Variants in CDKAL1 observed in about 807,000 individuals in gnomAD.
CDKAL1 encodes the protein threonylcarbamoyladenosine tRNA methylthiotransferase.
CDKAL1 carries 32 observed loss-of-function variants against 68.2 expected under a neutral mutation model. The observed-to-expected ratio is 0.47, with a 90% confidence interval of 0.35 to 0.63. The LOEUF is 0.63. Among genes scored for constraint, CDKAL1 ranks in the 30% least tolerant of loss-of-function variants. The pLI, the probability that CDKAL1 is intolerant of heterozygous loss-of-function variation, is 0.00. For missense variants in CDKAL1, 606 were observed against 696.7 expected, an observed-to-expected ratio of 0.87 and a Z score of 1.47; for synonymous variants, 234 against 244.3, an observed-to-expected ratio of 0.96 and a Z score of 0.39.
chr6:20,657,343 A>G (rs1562002646), intron 5 of CDKAL1, among the ~76,000 whole-genome samples: 1 of 152,086 alleles, frequency 6.6e-6, no homozygotes, highest in South Asian at 2.1e-4. Flanking sequence ...AATCCTTTAT[A>G]CCCAAATGTA....
chr6:20,974,234 G>C (rs1326418895), intron 10 of CDKAL1, among the ~76,000 whole-genome samples: 1 of 152,212 alleles, frequency 6.6e-6, no homozygotes, highest in African/African-American at 2.4e-5. Context: ...GAAAGACATG[G>C]CATGCATTTC....
At chr6:20,569,566 G>A (rs1764613446) in intron 4 of CDKAL1, among the ~76,000 whole-genome samples, 2 of 152,130 alleles carry the variant, frequency 1.3e-5, no homozygotes, top group Admixed American at 6.5e-5. Context: ...ATACTAATTA[G>A]CATTGACTGC....
intron 13 of CDKAL1, among the ~76,000 whole-genome samples, chr6:21,134,060 T>C (rs893261891): frequency 6.6e-6 from 1 of 152,074 alleles, no homozygotes; most frequent in Non-Finnish European, 1.5e-5. Flanking sequence ...TTTGCCGGGG[T>C]CGTGGGGGCG....
At chr6:21,177,620 A>G (rs1777634985) in intron 13 of CDKAL1, among the ~76,000 whole-genome samples, 1 of 151,826 alleles carries the variant, frequency 6.6e-6, no homozygotes, top group Admixed American at 6.6e-5. Context: ...AGAGTATGAT[A>G]TGTCTTCAAC....
chr6:20,941,945 A>G (rs1252195505), intron 9 of CDKAL1, among the ~76,000 whole-genome samples: 3 of 152,242 alleles, frequency 2.0e-5, no homozygotes, highest in Non-Finnish European at 2.9e-5. Flanking sequence ...CCCTTCGGCA[A>G]GAGGATAACT....
At chr6:20,670,044 T>C (rs1769736539) in intron 5 of CDKAL1, among the ~76,000 whole-genome samples, 1 of 152,192 alleles carries the variant, frequency 6.6e-6, no homozygotes, top group South Asian at 2.1e-4. Context: ...AGCATCTCCC[T>C]TTTCTTATAA....
intron 11 of CDKAL1, among the ~76,000 whole-genome samples, chr6:21,059,324 A>T (rs1377794355): frequency 6.6e-6 from 1 of 152,188 alleles, no homozygotes; most frequent in Non-Finnish European, 1.5e-5. Context: ...CCTCACCTCT[A>T]GGAACTCGGT....
chr6:20,955,277 A>G, intron 9 of CDKAL1, 142 bp from the exon 10 acceptor site: 1 of 754,950 alleles, frequency 1.3e-6, no homozygotes, highest in Non-Finnish European at 2.2e-6. Flanking sequence ...ACCATGGGAT[A>G]AGCTGCTTTT....
At position 20,547,519 on chromosome 6, in the gene CDKAL1, A is replaced by G. The variant is rs192843405; in HGVS notation, c.173+996A>G. On this transcript the variant is annotated intron_variant, in intron 3 of 15. Coordinates refer to ENST00000274695, the MANE Select transcript of CDKAL1 (RefSeq NM_017774.3). ...TAGATCTCTAGTCCGTGAAATTTTG[A>G]TACAACCTAACCAGAAAGGATAATG... is the stretch of plus-strand genomic sequence containing the variant. 5.4e-4 allele frequency among the ~76,000 whole-genome samples: 83 copies of G among 152,296 alleles called. 1 individual carries two copies. Among genetic ancestry groups the G allele is most frequent in the Admixed American group, 2.3e-3 (35 of 15,296 alleles).
intron 4 of CDKAL1, among the ~76,000 whole-genome samples, chr6:20,606,779 A>T (rs529445158): frequency 6.6e-6 from 1 of 152,224 alleles, no homozygotes; most frequent in Non-Finnish European, 1.5e-5. Flanking sequence ...ATCTATTTCA[A>T]TTCAGGGTGA....
chr6:20,838,741 G>A (rs1361800570), intron 8 of CDKAL1, among the ~76,000 whole-genome samples: 2 of 152,124 alleles, frequency 1.3e-5, no homozygotes, highest in Admixed American at 1.3e-4. Context: ...GGAAGGCTGA[G>A]GTGGGCAGAT....
intron 4 of CDKAL1, among the ~76,000 whole-genome samples, chr6:20,582,815 T>C (rs1765191937): frequency 6.6e-6 from 1 of 152,216 alleles, no homozygotes; most frequent in East Asian, 1.9e-4. Context: ...GCAATATCCC[T>C]AGGAGTTAAA....
At chr6:21,169,914 G>A (rs561299429) in intron 13 of CDKAL1, among the ~76,000 whole-genome samples, 2 of 95,528 alleles carry the variant, frequency 2.1e-5, no homozygotes, top group Non-Finnish European at 4.0e-5. Flanking sequence ...AGAACAGTAC[G>A]GGAAAGACCC....
intron 4 of CDKAL1, chr6:20,559,035 T>A (rs530920130): frequency 1.3e-5 from 2 of 152,880 alleles, no homozygotes; most frequent in Non-Finnish European, 2.9e-5. Flanking sequence ...CTTTTTAAAA[T>A]GGAGCACAGA....
chr6:20,807,157 T>C (rs758737065), intron 8 of CDKAL1, among the ~76,000 whole-genome samples: 1 of 152,200 alleles, frequency 6.6e-6, no homozygotes, highest in Admixed American at 6.5e-5. Context: ...CACAGCAGTT[T>C]GGTGGTTTAG....
chr6:20,756,966 C>CCTCCTTCCTTCCTTCCT (rs1348649834), intron 6 of CDKAL1, among the ~76,000 whole-genome samples: 1 of 147,648 alleles, frequency 6.8e-6, no homozygotes, highest in South Asian at 2.2e-4. Flanking sequence ...CCTTTCCTTA[C>CCTCCTTCCTTCCTTCCT]TGTGTTGCCC....
At chr6:21,139,499 C>A (rs1775792780) in intron 13 of CDKAL1, among the ~76,000 whole-genome samples, 1 of 152,178 alleles carries the variant, frequency 6.6e-6, no homozygotes, top group South Asian at 2.1e-4. Flanking sequence ...ATCAGTTTTA[C>A]TGTGCCTTTC....
intron 9 of CDKAL1, among the ~76,000 whole-genome samples, chr6:20,923,992 G>A (rs1483168443): frequency 1.9e-4 from 28 of 147,472 alleles, no homozygotes; most frequent in East Asian, 1.9e-3. Flanking sequence ...AGCCTGGGTG[G>A]CAGAGTAAGA....
chr6:20,862,658 T>TGC (rs1425440623), intron 9 of CDKAL1, among the ~76,000 whole-genome samples: 24 of 147,560 alleles, frequency 1.6e-4, no homozygotes, highest in African/African-American at 4.2e-4. Flanking sequence ...TGTGTGTGTG[T>TGC]GTGTGCGCGC....
Sources: gnomAD v4.1 joint callset for allele counts (sites outside exome capture counted in the v4.1 genomes callset) on GRCh38, gnomAD v4.1.1 for gene constraint, MANE v1.5 for transcripts, NCBI Gene and HGNC (gene_info 2026-07-23, HGNC 2026-07-21) for gene names.